Variants in SLC6A2 observed in about 807,000 individuals in gnomAD.
SLC6A2 encodes the protein sodium-dependent noradrenaline transporter.
A neutral mutation model predicts 71.7 loss-of-function variants in SLC6A2; 26 were observed. That is an observed-to-expected ratio of 0.36 (90% CI 0.27 to 0.50). SLC6A2 has a LOEUF of 0.50. Ranked by LOEUF, SLC6A2 falls within the 20% of genes least tolerant of loss-of-function variation. The pLI is 0.96. For missense variants in SLC6A2, 581 were observed against 803.9 expected (o/e 0.72, Z 3.35); for synonymous variants, 363 against 337.9 (o/e 1.07, Z -0.82).
intron 2 of SLC6A2, among the ~76,000 whole-genome samples, chr16:55,667,120 T>A (rs1964774375): frequency 6.6e-6 from 1 of 152,088 alleles, no homozygotes; most frequent in South Asian, 2.1e-4. Flanking sequence ...TGTTCTTGAG[T>A]TCCTGGGCTC....
rs544543228 is a variant in SLC6A2, at chr16:55,702,012, C to T, written c.1830+78C>T. 2.5e-5 allele frequency: 28 copies of T among 1,107,510 alleles called. No homozygotes were observed. The South Asian group carries it at 3.0e-4, about 12-fold the overall frequency. The allele number at this position is 1,107,510 out of a possible 1,614,324, so 68.6% of individuals were successfully genotyped here. On this transcript the variant is annotated intron_variant, in intron 14 of 14. Coordinates refer to ENST00000568943, the MANE Select transcript of SLC6A2 (RefSeq NM_001172501.3). ...GTTCCCTGCTGTGCACTGCCCAAGG[C>T]TAGACATCACATCCAGAAAACCCAG...
At chr16:55,679,459 T>G (rs1345974824) in intron 4 of SLC6A2, among the ~76,000 whole-genome samples, 1 of 152,196 alleles carries the variant, frequency 6.6e-6, no homozygotes, top group African/African-American at 2.4e-5. Flanking sequence ...ACTCCTGATC[T>G]CAAGTGATCC....
intron 3 of SLC6A2, 132 bp from the exon 4 acceptor site, chr16:55,671,806 G>A (rs1964924557): frequency 6.6e-7 from 1 of 1,505,208 alleles, no homozygotes; most frequent in African/African-American, 1.4e-5. Flanking sequence ...TGCTGAAAAG[G>A]TTGGGGACCG....
intron 4 of SLC6A2, among the ~76,000 whole-genome samples, chr16:55,679,154 C>T (rs1357902235): frequency 6.6e-6 from 1 of 152,154 alleles, no homozygotes; most frequent in Non-Finnish European, 1.5e-5. Flanking sequence ...CAACACCTGT[C>T]CCATAAAGGC....
chr16:55,661,922 G>T lies in SLC6A2; in HGVS notation c.274+4954G>T, dbSNP rs2142489288. Among the ~76,000 whole-genome samples, 4 of 152,318 alleles carry T rather than the reference G, an allele frequency of 2.6e-5. No homozygotes were observed. In the Middle Eastern group the frequency reaches 0.01, roughly 389 times the overall value. On this transcript the variant is annotated intron_variant, in intron 2 of 14. Coordinates refer to ENST00000568943, the MANE Select transcript of SLC6A2 (RefSeq NM_001172501.3). ...TAATACTGAGTATGAAGCAGTAGCT[G>T]CTACAGAGGTCAGGAGTCTGCAAAC...
At chr16:55,698,111 G>A (rs954765769) in intron 10 of SLC6A2, 86 bp downstream of exon 10, 5 of 1,453,496 alleles carry the variant, frequency 3.4e-6, no homozygotes, top group Non-Finnish European at 4.8e-6. Context: ...TTAGAACTGG[G>A]GCTGAGCTCA....
chr16:55,692,457 T>G (rs1163926830), intron 6 of SLC6A2, among the ~76,000 whole-genome samples: 1 of 152,186 alleles, frequency 6.6e-6, no homozygotes, highest in African/African-American at 2.4e-5. Context: ...CATCCTGTGA[T>G]GTCAGCACAA....
chr16:55,666,040 T>C (rs1289568593), intron 2 of SLC6A2, among the ~76,000 whole-genome samples: 1 of 152,258 alleles, frequency 6.6e-6, no homozygotes, highest in Non-Finnish European at 1.5e-5. Context: ...TTTGTGTGCA[T>C]GCATATGGTT....
chr16:55,685,064 G>T (rs1447142194), intron 4 of SLC6A2, 79 bp from the exon 5 acceptor site: 7 of 1,419,896 alleles, frequency 4.9e-6, no homozygotes, highest in Non-Finnish European at 6.9e-6. Flanking sequence ...TGCATTTGCA[G>T]GGACTGGTCT....
At position 55,703,761 on chromosome 16, in the gene SLC6A2, TA is replaced by T; in HGVS notation, c.*1418del. 1 of 985,298 alleles carries T rather than the reference TA, an allele frequency of 1.0e-6. No homozygotes were observed. The highest frequency in any genetic ancestry group is 1.2e-6 in the Non-Finnish European group (1 of 829,912). The allele number at this position is 985,298 out of a possible 1,614,324, so 61.0% of individuals were successfully genotyped here. ...CCTGTTGCGGGATCTTGGGAAAAAA[TA>T]AAGAAGCCGCTGCATTCGCACGTCA... On this transcript the variant is annotated 3_prime_UTR_variant, in exon 15 of 15. Coordinates refer to ENST00000568943, the MANE Select transcript of SLC6A2 (RefSeq NM_001172501.3).
chr16:55,702,239 C>G, intron 14 of SLC6A2, 84 bp from the exon 15 acceptor site: 1 of 1,341,418 alleles, frequency 7.5e-7, no homozygotes, highest in Non-Finnish European at 1.1e-6. Flanking sequence ...TGCCTTCTCT[C>G]TACCTCCTGC....
chr16:55,659,278 A>C (rs890535404), intron 2 of SLC6A2, among the ~76,000 whole-genome samples: 11 of 152,132 alleles, frequency 7.2e-5, no homozygotes, highest in Admixed American at 7.2e-4. Context: ...AAGCATCCAG[A>C]TGGCCAATTT....
rs1228460605 is a variant in SLC6A2, at chr16:55,703,382, G to A, written c.*1036G>A. ...CCCTCTGGGGATCCCACCTGGAGTG[G>A]ACCAGGGGTCTTGAGAAATGGAGAG... On this transcript the variant is annotated 3_prime_UTR_variant, in exon 15 of 15. Transcript: ENST00000568943. The A allele has an allele frequency of 6.8e-5, 67 of 985,322 alleles. No individual in the cohort carries two copies. The highest frequency in any genetic ancestry group is 7.1e-5 in the Non-Finnish European group (59 of 829,948). 61.0% of individuals were successfully genotyped at this position (985,322 alleles called of 1,614,324 possible). A position where few individuals can be genotyped will look rare whatever the true frequency, so the allele number is the denominator to read the frequency against.
intron 4 of SLC6A2, 149 bp from the exon 5 acceptor site, chr16:55,684,994 A>T (rs2142558834): frequency 1.3e-6 from 1 of 752,242 alleles, no homozygotes; most frequent in Non-Finnish European, 2.3e-6. Flanking sequence ...CATGTGGTGC[A>T]TGGCAGTGGC....
rs146686103 is a variant in SLC6A2 at position 55,703,352 on chromosome 16, A to G, written c.*1006A>G. 2.7e-3 allele frequency: 2,663 copies of G among 985,404 alleles called. 132 individuals carry two copies. The South Asian group carries it at 0.096, about 36-fold the overall frequency. 61.0% of individuals were successfully genotyped at this position (985,404 alleles called of 1,614,324 possible). On this transcript the variant is annotated 3_prime_UTR_variant, in exon 15 of 15. Coordinates refer to ENST00000568943, the MANE Select transcript of SLC6A2 (RefSeq NM_001172501.3). ...ATTTATTGTTCTTGCACACCTGCAC[A>G]GCCTCCCTCTGGGGATCCCACCTGG...
chr16:55,688,268 T>C (rs1164350238), intron 5 of SLC6A2, among the ~76,000 whole-genome samples: 4 of 152,200 alleles, frequency 2.6e-5, no homozygotes, highest in African/African-American at 9.7e-5. Flanking sequence ...GAATTGCAAA[T>C]GTTCATACCT....
intron 3 of SLC6A2, among the ~76,000 whole-genome samples, chr16:55,671,401 C>T (rs111617096): frequency 6.6e-5 from 10 of 152,186 alleles, no homozygotes; most frequent in South Asian, 4.1e-4. Context: ...AGAGAGCTCT[C>T]GGGCAAAGAG....
At chr16:55,692,363 C>T (rs1485884970) in intron 6 of SLC6A2, among the ~76,000 whole-genome samples, 1 of 152,172 alleles carries the variant, frequency 6.6e-6, no homozygotes, top group Non-Finnish European at 1.5e-5. Context: ...CTTGCTCTTG[C>T]CCTGTGCCCA....
At chr16:55,676,879 G>T (rs1965105701) in intron 4 of SLC6A2, among the ~76,000 whole-genome samples, 2 of 152,196 alleles carry the variant, frequency 1.3e-5, no homozygotes, top group Non-Finnish European at 2.9e-5. Context: ...TATCTCCAAA[G>T]CCCAAGCTCT....
Sources: allele counts gnomAD v4.1 joint callset (sites outside exome capture counted in the v4.1 genomes callset), GRCh38; gene constraint gnomAD v4.1.1; transcripts MANE v1.5; gene names NCBI Gene and HGNC (gene_info 2026-07-23, HGNC 2026-07-21).